ABRAXAS1: variants seen among roughly 807,000 people sequenced by gnomAD.
ABRAXAS1 encodes abraxas 1, BRCA1 A complex subunit, also known as BRCA1-A complex subunit Abraxas 1.
A neutral mutation model predicts 38.4 loss-of-function variants in ABRAXAS1; 26 were observed. The ratio of observed to expected loss-of-function variants is 0.68; its 90% CI spans 0.50 to 0.94. The LOEUF (loss-of-function observed/expected upper bound fraction) is 0.94, where lower values mean the gene tolerates loss of function less well. ABRAXAS1 is among the 40% of genes least tolerant of loss of function. The pLI, the probability that ABRAXAS1 is intolerant of heterozygous loss-of-function variation, is 0.00. For missense variants in ABRAXAS1, 438 were observed against 481.9 expected, an observed-to-expected ratio of 0.91 and a Z score of 0.85; for synonymous variants, 144 against 165.5, an observed-to-expected ratio of 0.87 and a Z score of 1.00.
At chr4:83,463,849 C>T (rs188475556) in intron 7 of ABRAXAS1, 114 of 273,072 alleles carry the variant, frequency 4.2e-4, no homozygotes, top group African/African-American at 2.4e-3. Context: ...CAGCTTTTAT[C>T]ATGCCAGTTA....
chr4:83,482,962 TA>T (rs1013634810), intron 1 of ABRAXAS1, among the ~76,000 whole-genome samples: 51 of 152,184 alleles, frequency 3.4e-4, no homozygotes, highest in Admixed American at 2.8e-3. Flanking sequence ...AAATCAAAGA[TA>T]AATAAGAACG....
rs199541299 is a variant in ABRAXAS1, at chr4:83,463,503, G to C, written c.787C>G (p.Gln263Glu). ...EIEKRRGAQIQAAREKNIQKD... is the reference protein window; with the variant it reads ...EIEKRRGAQIEAAREKNIQKD... Reference sequence around the variant, plus strand: ...TGTGTTGTTTACTTACTTGCTGCCTGAATCTGTGCTCCTCTCCTTTTCTCA... The same window carrying C: ...TGTGTTGTTTACTTACTTGCTGCCTCAATCTGTGCTCCTCTCCTTTTCTCA... The change falls in exon 8 of 9, where the codon CAG (glutamine) becomes GAG (glutamate). Residue 263 changes from glutamine to glutamate, a missense_variant. By Grantham distance (29) the Gln-to-Glu change is conservative. Around this residue, in one of 3 missense-constraint regions of ABRAXAS1, gnomAD observed 184 missense variants for 181.9 expected, o/e 1.01. Coordinates refer to ENST00000321945, the MANE Select transcript of ABRAXAS1 (RefSeq NM_139076.3). 1.9e-6 allele frequency: 3 copies of C among 1,598,888 alleles called. No homozygotes were observed. The highest frequency in any genetic ancestry group is 2.2e-5 in the East Asian group (1 of 44,632).
intron 3 of ABRAXAS1, among the ~76,000 whole-genome samples, chr4:83,472,745 G>A (rs1578130323): frequency 6.6e-6 from 1 of 152,180 alleles, no homozygotes; most frequent in South Asian, 2.1e-4. Context: ...ATTTTAGGAG[G>A]TGGCTGGGTT....
chr4:83,462,879 G>A lies in ABRAXAS1; in HGVS notation c.820C>T (p.Pro274Ser), dbSNP rs1060503252. The change falls in exon 9 of 9, where the codon CCT (proline) becomes TCT (serine). Residue 274 changes from proline (P) to serine (S), a missense_variant. By Grantham distance (74) the Pro-to-Ser change is moderately conservative. Around this residue, in one of 3 missense-constraint regions of ABRAXAS1, gnomAD observed 184 missense variants for 181.9 expected, o/e 1.01. Coordinates refer to ENST00000321945, the MANE Select transcript of ABRAXAS1 (RefSeq NM_139076.3). Reference protein sequence around the residue: ...AAREKNIQKDPQENIFLCQAL... With the variant: ...AAREKNIQKDSQENIFLCQAL... ...TGACAAAGAAAAATGTTCTCCTGAGGGTCTTTTTGGATGTTCTTCTCTCCT... is the reference window on the plus strand; with the variant it reads ...TGACAAAGAAAAATGTTCTCCTGAGAGTCTTTTTGGATGTTCTTCTCTCCT... 1.6e-5 allele frequency: 25 copies of A among 1,584,170 alleles called. No homozygotes were observed. Among genetic ancestry groups the A allele is most frequent in the Non-Finnish European group, 2.1e-5 (24 of 1,168,092 alleles).
chr4:83,465,982 A>G (rs1455444155), intron 7 of ABRAXAS1, among the ~76,000 whole-genome samples: 1 of 152,214 alleles, frequency 6.6e-6, no homozygotes, highest in African/African-American at 2.4e-5. Flanking sequence ...AGTTGACTTA[A>G]CAGCCCCAGC....
intron 7 of ABRAXAS1, among the ~76,000 whole-genome samples, chr4:83,465,301 A>G (rs1228976985): frequency 5.1e-5 from 5 of 98,942 alleles, no homozygotes; most frequent in African/African-American, 4.7e-4. Flanking sequence ...CTCTGTCTCA[A>G]AAAAAAAAAA....
Position 83,482,207 on chromosome 4 carries a change from T to C in ABRAXAS1, c.125A>G (p.Lys42Arg), listed in dbSNP as rs201948472. The change falls in exon 2 of 9, where the codon AAG (lysine) becomes AGG (arginine). Residue 42 changes from lysine to arginine, a missense_variant. Lys to Arg is a conservative substitution (Grantham distance 26, BLOSUM62 2). Coordinates refer to ENST00000321945, the MANE Select transcript of ABRAXAS1 (RefSeq NM_139076.3). ...CATTTGGGAATCAGTAATGCTGTTC[T>C]TGGCTTCACCTTTTACTTCCCCAAG... ...FLLGEVKGEA[K>R]NSITDSQMDD... The C allele has an allele frequency of 3.0e-4, 480 of 1,612,592 alleles. No individual in the cohort carries two copies. The highest frequency in any genetic ancestry group is 3.3e-4 in the Non-Finnish European group (386 of 1,179,562).
At chr4:83,484,586 G>A (rs1723110908) in intron 1 of ABRAXAS1, among the ~76,000 whole-genome samples, 1 of 152,200 alleles carries the variant, frequency 6.6e-6, no homozygotes, top group Admixed American at 6.5e-5. Context: ...GAAAAAGTCC[G>A]CCTGGTTTTG....
At chr4:83,468,887 G>T in intron 6 of ABRAXAS1, 145 bp downstream of exon 6, 1 of 854,624 alleles carries the variant, frequency 1.2e-6, no homozygotes, top group African/African-American at 1.7e-5. Context: ...GCAGTAACAG[G>T]AGTATGAGGA....
In ABRAXAS1 at chr4:83,478,060, TCAGCATG is replaced by T. The variant is rs1273725831; in HGVS notation, c.179-1388_179-1382del. 6 of 950,022 alleles carry T rather than the reference TCAGCATG, an allele frequency of 6.3e-6. No individual in the cohort carries two copies. The African/African-American group carries it at 9.7e-5, about 15-fold the overall frequency. The allele number at this position is 950,022 out of a possible 1,614,324, so 58.8% of individuals were successfully genotyped here. On this transcript the variant is annotated intron_variant, in intron 2 of 8. Transcript: ENST00000321945. ...TGTGGAGGAGTGTGGTTCCAACTGC[TCAGCATG>T]CTGCCATCGTTGTGGGAGTAGAGCT...
Position 83,485,068 on chromosome 4 carries a change from T to G in ABRAXAS1, c.5A>C (p.Glu2Ala), listed in dbSNP as rs1027841598. 6.3e-7 allele frequency: 1 copy of G among 1,586,994 alleles called. No individual in the cohort carries two copies. Among genetic ancestry groups the G allele is most frequent in the African/African-American group, 1.4e-5 (1 of 71,826 alleles). The change falls in exon 1 of 9, where the codon GAG becomes GCG. Residue 2 changes from glutamate (E) to alanine (A), a missense_variant. Physicochemically the swap from Glu to Ala is moderately radical, Grantham distance 107. This residue lies in a region of ABRAXAS1 where 60 missense variants were observed against 31.1 expected (regional missense o/e 1.93). Transcript: ENST00000321945. ...GAGCACCGCCGACGTACTCTCCCCCTCCATGCTACCGCCGCCTCAGGCTAC... is the reference window on the plus strand; with the variant it reads ...GAGCACCGCCGACGTACTCTCCCCCGCCATGCTACCGCCGCCTCAGGCTAC... M[E>A]GESTSAVLSG...
intron 8 of ABRAXAS1, 149 bp downstream of exon 8, chr4:83,463,345 A>C (rs191027464): frequency 4.0e-6 from 2 of 496,462 alleles, no homozygotes; most frequent in Admixed American, 7.8e-5. Flanking sequence ...AGGCAGGAGA[A>C]TCGCTTGACC....
Position 83,461,890 on chromosome 4 carries a change from A to AT in ABRAXAS1, c.*578dup, listed in dbSNP as rs1378157937. 8.7e-6 allele frequency: 2 copies of AT among 229,058 alleles called. No individual in the cohort carries two copies. Among genetic ancestry groups the AT allele is most frequent in the Non-Finnish European group, 1.7e-5 (2 of 115,722 alleles). 14.2% of individuals were successfully genotyped at this position (229,058 alleles called of 1,614,324 possible). Reference sequence around the variant, plus strand: ...AAGTACAAATGTAGGACAAATTTAAATTTTAGATGATGTTTTGCAAATTTA... The same window carrying AT: ...AAGTACAAATGTAGGACAAATTTAAATTTTTAGATGATGTTTTGCAAATTTA... On this transcript the variant is annotated 3_prime_UTR_variant, in exon 9 of 9. Coordinates refer to ENST00000321945, the MANE Select transcript of ABRAXAS1 (RefSeq NM_139076.3).
In ABRAXAS1 at chr4:83,461,642, G is replaced by T. The variant is rs1417611389; in HGVS notation, c.*827C>A. The T allele has an allele frequency of 3.7e-6, 1 of 272,602 alleles. No homozygotes were observed. Among genetic ancestry groups the T allele is most frequent in the Non-Finnish European group, 7.1e-6 (1 of 140,552 alleles). 16.9% of individuals were successfully genotyped at this position (272,602 alleles called of 1,614,324 possible). On this transcript the variant is annotated 3_prime_UTR_variant, in exon 9 of 9. Coordinates refer to ENST00000321945, the MANE Select transcript of ABRAXAS1 (RefSeq NM_139076.3). Reference sequence around the variant, plus strand: ...ACCAGTAGTGTCTTTTACATGAAGAGATGATTTACACCTAATAGACATTGA... The same window carrying T: ...ACCAGTAGTGTCTTTTACATGAAGATATGATTTACACCTAATAGACATTGA...
intron 1 of ABRAXAS1, among the ~76,000 whole-genome samples, chr4:83,482,789 GC>G (rs1723044513): frequency 6.6e-6 from 1 of 152,074 alleles, no homozygotes; most frequent in African/African-American, 2.4e-5. Flanking sequence ...CTACAGATTA[GC>G]CCTGTAGCCC....
intron 4 of ABRAXAS1, among the ~76,000 whole-genome samples, chr4:83,470,903 A>G (rs1323315381): frequency 6.6e-6 from 1 of 152,204 alleles, no homozygotes; most frequent in East Asian, 1.9e-4. Flanking sequence ...ACATTAAAGG[A>G]TTTTGTAAAC....
chr4:83,472,813 T>C (rs72932916), intron 3 of ABRAXAS1, among the ~76,000 whole-genome samples: 9,935 of 151,920 alleles, frequency 0.065, 1,084 homozygotes, highest in African/African-American at 0.23. Context: ...TGTTCAGGAG[T>C]TGGAATATCC....
At chr4:83,479,231 C>T (rs946170626) in intron 2 of ABRAXAS1, 3 of 151,966 alleles carry the variant, frequency 2.0e-5, no homozygotes, top group African/African-American at 7.3e-5. Context: ...GGCAAAGCCC[C>T]ATCTCTACTA....
Position 83,470,315 on chromosome 4 carries a change from G to T in ABRAXAS1, c.364C>A (p.Gln122Lys), listed in dbSNP as rs137876115. 1.2e-6 allele frequency: 2 copies of T among 1,613,710 alleles called. No individual in the cohort carries two copies. The highest frequency in any genetic ancestry group is 1.3e-5 in the African/African-American group (1 of 74,918). Reference protein sequence around the residue: ...FRERLLHKNLQEHFSNQDLVF... With the variant: ...FRERLLHKNLKEHFSNQDLVF... ...AGGTCTTGGTTTGAAAAATGCTCCT[G>T]CAAGTTTTTGTGAAGCAGCCTCTCT... The change falls in exon 5 of 9, where the codon CAG becomes AAG. Residue 122 changes from glutamine (Q) to lysine (K), a missense_variant. Transcript: ENST00000321945.
Sources: gnomAD v4.1 joint callset for allele counts (sites outside exome capture counted in the v4.1 genomes callset) on GRCh38, gnomAD v4.1.1 for gene constraint, gnomAD v4.1.1 regional missense constraint, MANE v1.5 for transcripts, NCBI Gene and HGNC (gene_info 2026-07-23, HGNC 2026-07-21) for gene names.